Variants in EPS8 observed in about 807,000 individuals in gnomAD.
The protein encoded by EPS8 is epidermal growth factor receptor kinase substrate 8.
EPS8 carries 42 observed loss-of-function variants against 103.8 expected under a neutral mutation model. The observed-to-expected ratio is 0.40, with a 90% confidence interval of 0.32 to 0.52. The LOEUF is 0.52. Among genes scored for constraint, EPS8 ranks in the 20% least tolerant of loss-of-function variants. EPS8 has a pLI of 0.40. For missense variants in EPS8, 969 were observed against 1,005.1 expected (o/e 0.96, Z 0.49); for synonymous variants, 344 against 344.6 (o/e 1.00, Z 0.02).
At chr12:15,632,008 T>TA (rs1274442979) in intron 17 of EPS8, among the ~76,000 whole-genome samples, 3 of 152,206 alleles carry the variant, frequency 2.0e-5, no homozygotes, top group Non-Finnish European at 2.9e-5. Flanking sequence ...TAATTTATGC[T>TA]AATAATAATT....
Position 15,730,072 on chromosome 12 carries a change from C to T in EPS8, c.-21-47100G>A, listed in dbSNP as rs117082392. The stretch of plus-strand genomic sequence containing the variant: ...CACCTGTGTAGCTTCTGAAGTCCAT[C>T]GTCACCTGGAACCCTCTCCATTATA... On this transcript the variant is annotated intron_variant, in intron 1 of 20. Coordinates refer to ENST00000281172, the MANE Select transcript of EPS8 (RefSeq NM_004447.6). 1.1e-3 allele frequency among the ~76,000 whole-genome samples: 163 copies of T among 152,254 alleles called. 2 individuals are homozygous for T. In the East Asian group the frequency reaches 0.03, roughly 28 times the overall value.
At chr12:15,678,914 CAAAAA>C in intron 3 of EPS8, among the ~76,000 whole-genome samples, 1 of 54,758 alleles carries the variant, frequency 1.8e-5, no homozygotes, top group South Asian at 7.1e-4. Flanking sequence ...ACTCTGTCTC[CAAAAA>C]AAAAAAAAAA....
chr12:15,660,655 T>G lies in EPS8; in HGVS notation c.896A>C (p.Lys299Thr), dbSNP rs1456645379. 6.2e-7 allele frequency: 1 copy of G among 1,603,756 alleles called. No individual in the cohort carries two copies. Among genetic ancestry groups the G allele is most frequent in the South Asian group, 1.1e-5 (1 of 90,758 alleles). ...KAAEAFSELS[K>T]RKKNKKGKRK... ...TTTACCTTTCTTGTTTTTCTTCCTT[T>G]TAGAAAGCTCAGAAAATGCTTCTGC... The change falls in exon 10 of 21, where the codon AAA (lysine) becomes ACA (threonine). Residue 299 changes from lysine to threonine, a missense_variant. Lys to Thr is a moderately conservative substitution (Grantham distance 78, BLOSUM62 -1). Transcript: ENST00000281172.
At chr12:15,673,678 C>T (rs1366994197) in intron 3 of EPS8, among the ~76,000 whole-genome samples, 1 of 152,142 alleles carries the variant, frequency 6.6e-6, no homozygotes, top group East Asian at 1.9e-4. Context: ...TCTCTTCAAG[C>T]AGAACATTTT....
chr12:15,628,896 G>C (rs937542739), intron 18 of EPS8, among the ~76,000 whole-genome samples: 6 of 152,090 alleles, frequency 3.9e-5, no homozygotes, highest in Non-Finnish European at 7.3e-5. Flanking sequence ...CTACTGTCTG[G>C]TTCTAAAAGA....
chr12:15,763,997 G>T (rs1248541164), intron 1 of EPS8, among the ~76,000 whole-genome samples: 1 of 152,170 alleles, frequency 6.6e-6, no homozygotes, highest in Non-Finnish European at 1.5e-5. Context: ...TTCTATCAGT[G>T]TATTAGTATA....
At position 15,644,904 on chromosome 12, in the gene EPS8, A is replaced by C. The variant is rs573751290; in HGVS notation, c.1568+2223T>G. On this transcript the variant is annotated intron_variant, in intron 15 of 20. Transcript: ENST00000281172. ...ACAAATGTTCTTAGCAACATAGAAC[A>C]TCAATGATTCATGTATTTATCAACT... Among the ~76,000 whole-genome samples the C allele has an allele frequency of 2.1e-4, 32 of 152,312 alleles. No homozygotes were observed. The South Asian group carries it at 6.4e-3, about 31-fold the overall frequency.
At chr12:15,631,209 T>C (rs906785014) in intron 18 of EPS8, among the ~76,000 whole-genome samples, 10 of 152,188 alleles carry the variant, frequency 6.6e-5, no homozygotes, top group African/African-American at 1.7e-4. Context: ...CATTCAATTA[T>C]CATAACAGAT....
At chr12:15,653,040 C>A (rs1945441939) in intron 13 of EPS8, among the ~76,000 whole-genome samples, 1 of 152,188 alleles carries the variant, frequency 6.6e-6, no homozygotes, top group South Asian at 2.1e-4. Context: ...CCTTGCTCAG[C>A]AAGCATTAGT....
chr12:15,692,329 T>TGG (rs1946185855), intron 1 of EPS8, among the ~76,000 whole-genome samples: 3 of 132,744 alleles, frequency 2.3e-5, no homozygotes, highest in East Asian at 2.3e-4. Flanking sequence ...GTTTTTTTTT[T>TGG]TTTTTTTTTT....
At chr12:15,744,891 T>A (rs756533611) in intron 1 of EPS8, among the ~76,000 whole-genome samples, 2 of 152,202 alleles carry the variant, frequency 1.3e-5, no homozygotes, top group Non-Finnish European at 2.9e-5. Context: ...ATTATTTTTT[T>A]TTTGAGACAG....
Position 15,759,296 on chromosome 12 carries a change from C to T in EPS8, c.-22+29865G>A, listed in dbSNP as rs774646271. ...ATTGGGAAGCTGAATAGTTTCTTGC[C>T]AAATAAATGTATATTATGCTTTGAA... On this transcript the variant is annotated intron_variant, in intron 1 of 20. Coordinates refer to ENST00000281172, the MANE Select transcript of EPS8 (RefSeq NM_004447.6). The surrounding 1 kb of genome is among the most constrained non-coding windows in gnomAD (Gnocchi z 4.9). Among the ~76,000 whole-genome samples, 4 of 151,876 alleles carry T rather than the reference C, an allele frequency of 2.6e-5. No homozygotes were observed. The highest frequency in any genetic ancestry group is 5.9e-5 in the Non-Finnish European group (4 of 67,914).
Position 15,650,982 on chromosome 12 carries a change from A to C in EPS8, c.1275T>G (p.Phe425Leu). 1 of 1,613,948 alleles carries C rather than the reference A, an allele frequency of 6.2e-7. No individual in the cohort carries two copies. The change falls in exon 14 of 21, where the codon TTT (phenylalanine) becomes TTG (leucine). Residue 425 changes from phenylalanine to leucine, a missense_variant. By Grantham distance (22) the Phe-to-Leu change is conservative. Transcript: ENST00000281172. ...GGAATCGTGGAACATATGGTGGAAT[A>C]AACTGTTCTTTTGGCCACTCTGCTC... ...KARAEWPKEQ[F>L]IPPYVPRFRN...
At chr12:15,638,184 A>G (rs1945169280) in intron 17 of EPS8, among the ~76,000 whole-genome samples, 3 of 152,118 alleles carry the variant, frequency 2.0e-5, no homozygotes, top group Non-Finnish European at 4.4e-5. Context: ...GAGATATGAA[A>G]CAGTAGATAT....
intron 17 of EPS8, among the ~76,000 whole-genome samples, chr12:15,634,466 A>G (rs1945102300): frequency 6.6e-6 from 1 of 152,232 alleles, no homozygotes; most frequent in South Asian, 2.1e-4. Context: ...AAAGAATTAA[A>G]GAATGCTATT....
rs186792923 is a variant in EPS8, at chr12:15,625,929, C to T, written c.2045-1522G>A. Among the ~76,000 whole-genome samples the T allele has an allele frequency of 2.8e-3, 430 of 152,320 alleles. 4 individuals are homozygous for T. Among genetic ancestry groups the T allele is most frequent in the African/African-American group, 9.9e-3 (412 of 41,564 alleles). On this transcript the variant is annotated intron_variant, in intron 18 of 20. Coordinates refer to ENST00000281172, the MANE Select transcript of EPS8 (RefSeq NM_004447.6). The stretch of plus-strand genomic sequence containing the variant: ...TACTCGGAACTTGGGTGCATATATG[C>T]TGTCTACTTGATATATTCATTTGGG...
At chr12:15,634,500 C>A (rs753519625) in intron 17 of EPS8, among the ~76,000 whole-genome samples, 74 of 152,234 alleles carry the variant, frequency 4.9e-4, no homozygotes, top group Non-Finnish European at 8.7e-4. Flanking sequence ...CTGATTCATA[C>A]AAGATGCTGC....
chr12:15,698,043 CTT>C lies in EPS8; in HGVS notation c.-21-15073_-21-15072del, dbSNP rs1052115222. 5.9e-5 allele frequency among the ~76,000 whole-genome samples: 9 copies of C among 152,096 alleles called. No individual in the cohort carries two copies. The highest frequency in any genetic ancestry group is 1.4e-4 in the African/African-American group (6 of 41,412). ...TATCAATAAAACTAGAATTGACACT[CTT>C]ATATCCAACTTTGAGGCAACATATG... is the stretch of plus-strand genomic sequence containing the variant. On this transcript the variant is annotated intron_variant, in intron 1 of 20. Coordinates refer to ENST00000281172, the MANE Select transcript of EPS8 (RefSeq NM_004447.6). The surrounding 1 kb of genome is among the most constrained non-coding windows in gnomAD (Gnocchi z 4.9).
chr12:15,710,319 T>C (rs947376269), intron 1 of EPS8, among the ~76,000 whole-genome samples: 1 of 152,214 alleles, frequency 6.6e-6, no homozygotes, highest in Non-Finnish European at 1.5e-5. Flanking sequence ...CAAAGTTAAA[T>C]AATATTGCTC....
Sources: allele counts gnomAD v4.1 joint callset (sites outside exome capture counted in the v4.1 genomes callset), GRCh38; gene constraint gnomAD v4.1.1; non-coding constraint Gnocchi (gnomAD v3.1); transcripts MANE v1.5; gene names NCBI Gene and HGNC (gene_info 2026-07-23, HGNC 2026-07-21).